The following CFAP43 variants were observed in gnomAD, a reference collection of about 807,000 sequenced individuals.
CFAP43 encodes the protein cilia and flagella associated protein 43, also known as cilia- and flagella-associated protein 43.
A neutral mutation model predicts 218.9 loss-of-function variants in CFAP43; 155 were observed. The observed-to-expected ratio is 0.71, with a 90% CI of 0.62 to 0.81. CFAP43 has a LOEUF of 0.81. Ranked by LOEUF, CFAP43 falls within the 30% of genes least tolerant of loss-of-function variation. CFAP43 has a pLI of 0.00. For synonymous variants in CFAP43, 645 were observed against 681.3 expected (o/e 0.95, Z 0.83); for missense variants, 1,778 against 1,954.3 (o/e 0.91, Z 1.70).
At chr10:104,220,572 A>G (rs956194535) in intron 3 of CFAP43, among the ~76,000 whole-genome samples, 1 of 148,438 alleles carries the variant, frequency 6.7e-6, no homozygotes, top group African/African-American at 2.5e-5. Flanking sequence ...AGTAGCTATA[A>G]GAACAAAAAA....
intron 2 of CFAP43, among the ~76,000 whole-genome samples, chr10:104,226,231 C>T (rs1003366063): frequency 2.0e-5 from 3 of 152,204 alleles, no homozygotes; most frequent in African/African-American, 7.2e-5. Flanking sequence ...GCTTTGCCCT[C>T]ATCTCAGTCT....
intron 23 of CFAP43, among the ~76,000 whole-genome samples, chr10:104,165,688 G>A (rs1402480138): frequency 6.6e-6 from 1 of 152,110 alleles, no homozygotes; most frequent in Non-Finnish European, 1.5e-5. Flanking sequence ...AAGACTGTTT[G>A]GTGGAAAGTT....
At chr10:104,182,048 A>G (rs1231799009) in intron 17 of CFAP43, among the ~76,000 whole-genome samples, 1 of 152,196 alleles carries the variant, frequency 6.6e-6, no homozygotes, top group Non-Finnish European at 1.5e-5. Flanking sequence ...GACACTTCCT[A>G]AATAATATCT....
At chr10:104,141,742 C>T (rs10466174) in intron 33 of CFAP43, among the ~76,000 whole-genome samples, 4,037 of 152,234 alleles carry the variant, frequency 0.027, 180 homozygotes, top group African/African-American at 0.092. Flanking sequence ...TTCATATCCT[C>T]GCTATAGCCT....
rs1240810078 is a variant in CFAP43 at position 104,172,537 on chromosome 10, T to C, written c.2461-2A>G. 6.3e-7 allele frequency: 1 copy of C among 1,585,016 alleles called. No homozygotes were observed. On this transcript the variant is annotated splice_acceptor_variant, in intron 19 of 37. Coordinates refer to ENST00000357060, the MANE Select transcript of CFAP43 (RefSeq NM_025145.7). LOFTEE classifies it high-confidence loss of function. ...ATTTTCTTCCATCATATTCAGAATCTGAATGTTGAAATAAAAAAGAGTGCT... is the reference window on the plus strand; with the variant it reads ...ATTTTCTTCCATCATATTCAGAATCCGAATGTTGAAATAAAAAAGAGTGCT...
chr10:104,206,349 G>T (rs893067631), intron 6 of CFAP43, among the ~76,000 whole-genome samples: 3 of 152,166 alleles, frequency 2.0e-5, no homozygotes, highest in Non-Finnish European at 1.5e-5. Context: ...CTTGCTGGAG[G>T]GGGTGGTATT....
rs761110798 is a variant in CFAP43, at chr10:104,232,320, C to A, written c.-74G>T. On this transcript the variant is annotated 5_prime_UTR_variant, in exon 1 of 38. Transcript: ENST00000357060. ...GGGCGGGTCGGTTACCTTTCCGCCG[C>A]CGCGGGGCTGCGGGCCGCGACGCCG... The A allele has an allele frequency of 5.6e-6, 8 of 1,417,854 alleles. No individual in the cohort carries two copies. Among genetic ancestry groups the A allele is most frequent in the Non-Finnish European group, 7.5e-6 (8 of 1,072,436 alleles). The allele number at this position is 1,417,854 out of a possible 1,614,324, so 87.8% of individuals were successfully genotyped here.
chr10:104,179,155 CAGAGAG>C (rs60561340), intron 18 of CFAP43, 49 bp from the exon 19 acceptor site: 19,669 of 1,057,798 alleles, frequency 0.019, 68 homozygotes, highest in Non-Finnish European at 0.023. Context: ...AAATATCAGA[CAGAGAG>C]AGAGAGAGAG....
rs1411790047 is a variant in CFAP43 at position 104,146,404 on chromosome 10, A to G, written c.3769-55T>C. On this transcript the variant is annotated intron_variant, in intron 29 of 37. Transcript: ENST00000357060. The stretch of plus-strand genomic sequence containing the variant: ...AACTGGAGACTTTCCAGCATAAACA[A>G]AAATATTGGGGATACTAAAAAGAGC... The G allele has an allele frequency of 3.0e-6, 4 of 1,344,972 alleles. No homozygotes were observed. In the African/African-American group the frequency reaches 4.3e-5, roughly 15 times the overall value. 83.3% of individuals were successfully genotyped at this position (1,344,972 alleles called of 1,614,324 possible). A position where few individuals can be genotyped will look rare whatever the true frequency, so the allele number is the denominator to read the frequency against.
At chr10:104,160,101 C>T (rs1209129139) in intron 27 of CFAP43, among the ~76,000 whole-genome samples, 2 of 152,146 alleles carry the variant, frequency 1.3e-5, no homozygotes, top group Non-Finnish European at 2.9e-5. Flanking sequence ...GCTGGGGTTT[C>T]AGCAGGTGAG....
intron 4 of CFAP43, among the ~76,000 whole-genome samples, chr10:104,213,737 G>A (rs1300647068): frequency 1.3e-5 from 2 of 151,962 alleles, no homozygotes; most frequent in African/African-American, 2.4e-5. Context: ...GGGTTTCGCC[G>A]TGTTAGCCAG....
chr10:104,164,453 A>G lies in CFAP43; in HGVS notation c.3040-153T>C, dbSNP rs58269962. Among the ~76,000 whole-genome samples, 949 of 150,140 alleles carry G rather than the reference A, an allele frequency of 6.3e-3. 12 individuals carry two copies. The highest frequency in any genetic ancestry group is 0.022 in the African/African-American group (882 of 40,482). Reference sequence around the variant, plus strand: ...CGCTTTGTTGTCCAGGCTGGAGTGCAGTGGCATGATCTCTGCTCACCGCAA... The same window carrying G: ...CGCTTTGTTGTCCAGGCTGGAGTGCGGTGGCATGATCTCTGCTCACCGCAA... On this transcript the variant is annotated intron_variant, in intron 23 of 37. Coordinates refer to ENST00000357060, the MANE Select transcript of CFAP43 (RefSeq NM_025145.7).
intron 20 of CFAP43, among the ~76,000 whole-genome samples, chr10:104,169,872 C>G (rs1042704304): frequency 9.2e-5 from 14 of 152,276 alleles, no homozygotes; most frequent in African/African-American, 3.1e-4. Context: ...CTAGCCCACT[C>G]GGCCCTCCTC....
chr10:104,130,796 G>C (rs771008092), intron 37 of CFAP43, among the ~76,000 whole-genome samples: 14 of 151,840 alleles, frequency 9.2e-5, no homozygotes, highest in Admixed American at 1.3e-4. Context: ...TCAGGAGTTC[G>C]AGGCCAGCCT....
chr10:104,205,212 C>CAAAAAAAAAAAAAAAAAAAAAA (rs71022723), intron 7 of CFAP43, among the ~76,000 whole-genome samples: 1 of 56,570 alleles, frequency 1.8e-5, no homozygotes, highest in Non-Finnish European at 3.4e-5. Context: ...GACTCCGTCT[C>CAAAAAAAAAAAAAAAAAAAAAA]AAAAAAAAAA....
At chr10:104,204,703 A>G (rs574587399) in intron 7 of CFAP43, among the ~76,000 whole-genome samples, 35 of 147,970 alleles carry the variant, frequency 2.4e-4, no homozygotes, top group Non-Finnish European at 2.6e-4. Flanking sequence ...AGGTTGGGGG[A>G]GCTAAGTGTA....
intron 25 of CFAP43, 22 bp from the exon 26 acceptor site, chr10:104,162,063 A>G (rs371277633): frequency 3.7e-6 from 6 of 1,608,516 alleles, no homozygotes; most frequent in Non-Finnish European, 5.1e-6. Flanking sequence ...CCAGAATCAG[A>G]GAGGAATACT....
At chr10:104,189,275 C>T (rs1274913248) in intron 12 of CFAP43, among the ~76,000 whole-genome samples, 2 of 150,506 alleles carry the variant, frequency 1.3e-5, no homozygotes, top group Non-Finnish European at 2.9e-5. Context: ...CCTCATGACT[C>T]CCCTGTCTTC....
Position 104,225,459 on chromosome 10 carries a change from A to G in CFAP43, c.416+2T>C. 1 of 1,606,918 alleles carries G rather than the reference A, an allele frequency of 6.2e-7. No individual in the cohort carries two copies. Among genetic ancestry groups the G allele is most frequent in the Non-Finnish European group, 8.5e-7 (1 of 1,175,284 alleles). On this transcript the variant is annotated splice_donor_variant, in intron 3 of 37. Coordinates refer to ENST00000357060, the MANE Select transcript of CFAP43 (RefSeq NM_025145.7). LOFTEE classifies it high-confidence loss of function. Reference sequence around the variant, plus strand: ...GGAATTCCACAGGATGCTGAAACTTACCAAAGGGCCAGTTCAAATTCTGGG... The same window carrying G: ...GGAATTCCACAGGATGCTGAAACTTGCCAAAGGGCCAGTTCAAATTCTGGG...
Sources: gnomAD v4.1 joint callset for allele counts (sites outside exome capture counted in the v4.1 genomes callset) on GRCh38, gnomAD v4.1.1 for gene constraint, MANE v1.5 for transcripts, NCBI Gene and HGNC (gene_info 2026-07-23, HGNC 2026-07-21) for gene names.